The following OPCML variants were observed in gnomAD, a reference collection of about 807,000 sequenced individuals.
OPCML encodes the protein opioid-binding protein/cell adhesion molecule.
In OPCML, 13 loss-of-function variants were observed where a neutral mutation model predicts 37.8. The observed-to-expected ratio is 0.34, with a 90% CI of 0.22 to 0.55. The LOEUF (loss-of-function observed/expected upper bound fraction) is 0.55, where lower values mean the gene tolerates loss of function less well. OPCML is among the 20% of genes least tolerant of loss of function. OPCML has a pLI of 0.91. For missense variants in OPCML, 341 were observed against 435.6 expected, an observed-to-expected ratio of 0.78 and a Z score of 1.93; for synonymous variants, 176 against 168.8, an observed-to-expected ratio of 1.04 and a Z score of -0.33.
At chr11:133,168,605 G>T (rs1371429320) in intron 1 of OPCML, among the ~76,000 whole-genome samples, 3 of 152,166 alleles carry the variant, frequency 2.0e-5, no homozygotes, top group African/African-American at 7.2e-5. Context: ...ATGGTGAGTT[G>T]TTTTGTAGCT....
At chr11:133,237,090 A>G (rs1332594327) in intron 1 of OPCML, among the ~76,000 whole-genome samples, 2 of 152,202 alleles carry the variant, frequency 1.3e-5, no homozygotes, top group Non-Finnish European at 2.9e-5. Context: ...CCTCTGCCTG[A>G]GCTGAGCTTT....
At chr11:133,089,001 A>G (rs1267322929) in intron 1 of OPCML, among the ~76,000 whole-genome samples, 2 of 152,246 alleles carry the variant, frequency 1.3e-5, no homozygotes, top group Admixed American at 6.5e-5. Context: ...TGTAGTTTCT[A>G]GATGAACCCG....
chr11:133,461,237 A>G (rs1309888173), intron 1 of OPCML, among the ~76,000 whole-genome samples: 1 of 151,938 alleles, frequency 6.6e-6, no homozygotes, highest in Non-Finnish European at 1.5e-5. Context: ...GCAATTAGAG[A>G]AGAAAAAGAA....
chr11:133,284,611 T>G (rs1942248564), intron 1 of OPCML, among the ~76,000 whole-genome samples: 1 of 152,196 alleles, frequency 6.6e-6, no homozygotes, highest in Non-Finnish European at 1.5e-5. Flanking sequence ...CTCATTCATT[T>G]ACCTGGCGTT....
chr11:133,296,073 C>T (rs1391714879), intron 1 of OPCML, among the ~76,000 whole-genome samples: 1 of 152,068 alleles, frequency 6.6e-6, no homozygotes, highest in Non-Finnish European at 1.5e-5. Flanking sequence ...TGTATTTAAA[C>T]TAATAAAGAA....
chr11:132,538,989 A>G (rs2096348342), intron 3 of OPCML, among the ~76,000 whole-genome samples: 1 of 152,172 alleles, frequency 6.6e-6, no homozygotes. Context: ...CTACAGATAA[A>G]TGTATGTCTG....
chr11:132,895,769 C>T lies in OPCML; in HGVS notation c.146+47157G>A, dbSNP rs543630994. ...GGTAACAGCCTCCATGAGGCAGTTG[C>T]CAAGCAAGACAATGCTGAGTCTCCT... On this transcript the variant is annotated intron_variant, in intron 2 of 7. Transcript: ENST00000524381. 4.6e-5 allele frequency among the ~76,000 whole-genome samples: 7 copies of T among 152,192 alleles called. No individual in the cohort carries two copies. In the East Asian group the frequency reaches 1.2e-3, roughly 25 times the overall value.
At chr11:132,820,087 GA>G (rs1939887499) in intron 2 of OPCML, among the ~76,000 whole-genome samples, 1 of 151,878 alleles carries the variant, frequency 6.6e-6, no homozygotes, top group Non-Finnish European at 1.5e-5. Context: ...ATGAATGAAT[GA>G]ATGAATGAAT....
At chr11:132,647,150 A>T (rs939562470) in intron 3 of OPCML, among the ~76,000 whole-genome samples, 2 of 152,196 alleles carry the variant, frequency 1.3e-5, no homozygotes, top group Admixed American at 1.3e-4. Flanking sequence ...CTGAGTGGAG[A>T]ATTGAAAGGA....
intron 2 of OPCML, among the ~76,000 whole-genome samples, chr11:132,850,736 A>G (rs2136327989): frequency 6.6e-6 from 1 of 152,338 alleles, no homozygotes; most frequent in Non-Finnish European, 1.5e-5. Context: ...TCAGTCAACT[A>G]AGCTTAAATT....
intron 1 of OPCML, among the ~76,000 whole-genome samples, chr11:133,525,599 G>T (rs1344601058): frequency 6.6e-6 from 1 of 152,196 alleles, no homozygotes; most frequent in Non-Finnish European, 1.5e-5. Flanking sequence ...GAACAAATGA[G>T]ACCAAAGATA....
At chr11:133,069,110 G>A (rs1541882) in intron 1 of OPCML, among the ~76,000 whole-genome samples, 14,344 of 152,130 alleles carry the variant, frequency 0.094, 1,379 homozygotes, top group African/African-American at 0.24. Flanking sequence ...TAAAAAGAAC[G>A]CTTGAATTTT....
chr11:133,011,859 A>G (rs1947224393), intron 1 of OPCML, among the ~76,000 whole-genome samples: 1 of 152,200 alleles, frequency 6.6e-6, no homozygotes, highest in African/African-American at 2.4e-5. Flanking sequence ...AGGCTCTAGA[A>G]AAGTTGACTA....
intron 1 of OPCML, among the ~76,000 whole-genome samples, chr11:133,509,799 G>T (rs925522059): frequency 2.0e-5 from 3 of 152,160 alleles, no homozygotes; most frequent in Non-Finnish European, 4.4e-5. Flanking sequence ...TACTCTATGA[G>T]TACTCACTGA....
chr11:133,057,857 C>G (rs1948268642), intron 1 of OPCML, among the ~76,000 whole-genome samples: 1 of 152,174 alleles, frequency 6.6e-6, no homozygotes, highest in Non-Finnish European at 1.5e-5. Context: ...TCCTGCAGTG[C>G]CAGAGACAAA....
At chr11:132,504,129 G>A (rs2096251342) in intron 4 of OPCML, among the ~76,000 whole-genome samples, 1 of 152,110 alleles carries the variant, frequency 6.6e-6, no homozygotes, top group African/African-American at 2.4e-5. Flanking sequence ...GAATAATCTA[G>A]TTCCTAAAAT....
chr11:133,450,892 A>G (rs1946567893), intron 1 of OPCML, among the ~76,000 whole-genome samples: 1 of 151,840 alleles, frequency 6.6e-6, no homozygotes, highest in Non-Finnish European at 1.5e-5. Flanking sequence ...ATTATTGAAT[A>G]GACAGTGTAC....
chr11:133,344,332 C>T (rs1006681643), intron 1 of OPCML, among the ~76,000 whole-genome samples: 1 of 152,214 alleles, frequency 6.6e-6, no homozygotes, highest in African/African-American at 2.4e-5. Context: ...GAAAAGGGTG[C>T]ATTACCTACT....
chr11:132,425,501 A>C (rs2095975104), intron 7 of OPCML, among the ~76,000 whole-genome samples: 1 of 152,228 alleles, frequency 6.6e-6, no homozygotes, highest in Non-Finnish European at 1.5e-5. Flanking sequence ...TGGAAGGAGT[A>C]GTTCTATCTA....
Sources: allele counts gnomAD v4.1 joint callset (sites outside exome capture counted in the v4.1 genomes callset), GRCh38; gene constraint gnomAD v4.1.1; transcripts MANE v1.5; gene names NCBI Gene and HGNC (gene_info 2026-07-23, HGNC 2026-07-21).